The following LOC128462377 variants were observed in gnomAD, a reference collection of about 807,000 sequenced individuals.
At chr16:89,342,333 T>C in the LOC128462377 span, among the ~76,000 whole-genome samples, 2 of 152,258 alleles carry the variant, frequency 1.3e-5, no homozygotes, top group Non-Finnish European at 2.9e-5. Context: ...CTTTGAAGGA[T>C]GCAGCCCATT....
At chr16:89,352,249 G>C in the LOC128462377 span, among the ~76,000 whole-genome samples, 1 of 152,086 alleles carries the variant, frequency 6.6e-6, no homozygotes, top group Non-Finnish European at 1.5e-5. Context: ...CTGGACACGA[G>C]ACAAGACTTG....
chr16:89,322,331 A>G, the LOC128462377 span, among the ~76,000 whole-genome samples: 15 of 152,364 alleles, frequency 9.8e-5, no homozygotes, highest in East Asian at 1.2e-3. Context: ...CAGTATGTTG[A>G]TAGAACAGGC....
At chr16:89,358,163 C>G in the LOC128462377 span, among the ~76,000 whole-genome samples, 4 of 152,342 alleles carry the variant, frequency 2.6e-5, no homozygotes, top group East Asian at 7.7e-4. Context: ...ACCCACGTGG[C>G]TTTGCTAGAA....
chr16:89,385,474 A>C, the LOC128462377 span, among the ~76,000 whole-genome samples: 45 of 152,152 alleles, frequency 3.0e-4, no homozygotes, highest in Non-Finnish European at 5.1e-4. Context: ...CCCGTCCACA[A>C]GCCAGCACCG....
At chr16:89,325,568 G>A in the LOC128462377 span, among the ~76,000 whole-genome samples, 7 of 152,182 alleles carry the variant, frequency 4.6e-5, no homozygotes, top group Admixed American at 2.0e-4. Flanking sequence ...ACAGTACTTA[G>A]GGATGCATAC....
chr16:89,333,005 G>A, the LOC128462377 span, among the ~76,000 whole-genome samples: 4 of 152,222 alleles, frequency 2.6e-5, no homozygotes, highest in African/African-American at 9.6e-5. Flanking sequence ...TGTGCACCCG[G>A]GGAATTTCAC....
At chr16:89,330,753 G>A in the LOC128462377 span, among the ~76,000 whole-genome samples, 2 of 148,148 alleles carry the variant, frequency 1.3e-5, no homozygotes, top group Non-Finnish European at 3.0e-5. Context: ...GTTCCTCCTC[G>A]GCGAGTTCCA....
chr16:89,396,599 C>T, the LOC128462377 span, among the ~76,000 whole-genome samples: 1 of 152,068 alleles, frequency 6.6e-6, no homozygotes, highest in African/African-American at 2.4e-5. Flanking sequence ...GCAGGAACAG[C>T]GAGGAGAACC....
chr16:89,385,977 C>T, the LOC128462377 span, among the ~76,000 whole-genome samples: 1 of 152,244 alleles, frequency 6.6e-6, no homozygotes, highest in African/African-American at 2.4e-5. Context: ...AACTCCCTGG[C>T]TCAAGCCGGC....
At chr16:89,334,156 A>AAAAAAAAAAAAAAAAC in the LOC128462377 span, among the ~76,000 whole-genome samples, 1 of 138,384 alleles carries the variant, frequency 7.2e-6, no homozygotes, top group African/African-American at 2.7e-5. Context: ...AAAAAAAAAA[A>AAAAAAAAAAAAAAAAC]AAAAAAAAAA....
chr16:89,402,361 G>T, the LOC128462377 span, among the ~76,000 whole-genome samples: 2 of 152,146 alleles, frequency 1.3e-5, no homozygotes, highest in African/African-American at 4.8e-5. Flanking sequence ...TAAGGTATCT[G>T]GGATTGAGCG....
chr16:89,356,462 A>G, the LOC128462377 span, among the ~76,000 whole-genome samples: 1 of 152,004 alleles, frequency 6.6e-6, no homozygotes, highest in Non-Finnish European at 1.5e-5. Flanking sequence ...TGCTTGTTCC[A>G]ATGTCAGCTC....
At chr16:89,318,034 C>T in the LOC128462377 span, among the ~76,000 whole-genome samples, 1 of 152,212 alleles carries the variant, frequency 6.6e-6, no homozygotes, top group African/African-American at 2.4e-5. Flanking sequence ...TGCTCTGCCC[C>T]GTCCCTCTCT....
the LOC128462377 span, among the ~76,000 whole-genome samples, chr16:89,378,679 A>C: frequency 6.6e-6 from 1 of 152,188 alleles, no homozygotes; most frequent in Non-Finnish European, 1.5e-5. Context: ...TCCTGGGTTC[A>C]AGCAATTCTC....
At chr16:89,371,090 G>A in the LOC128462377 span, among the ~76,000 whole-genome samples, 13 of 152,152 alleles carry the variant, frequency 8.5e-5, no homozygotes, top group South Asian at 2.1e-4. Flanking sequence ...TCAACTGCGC[G>A]CTCGCTTACT....
the LOC128462377 span, among the ~76,000 whole-genome samples, chr16:89,396,395 C>T: frequency 2.6e-5 from 4 of 152,170 alleles, no homozygotes; most frequent in Non-Finnish European, 4.4e-5. Context: ...CAAGAGAGAC[C>T]AAAGGGAAGC....
At chr16:89,336,468 G>T in the LOC128462377 span, among the ~76,000 whole-genome samples, 1 of 152,350 alleles carries the variant, frequency 6.6e-6, no homozygotes, top group South Asian at 2.1e-4. Flanking sequence ...TGAAGGAGGG[G>T]CCAGACGGAG....
At chr16:89,376,911 T>G in the LOC128462377 span, among the ~76,000 whole-genome samples, 1 of 152,196 alleles carries the variant, frequency 6.6e-6, no homozygotes, top group Admixed American at 6.5e-5. Flanking sequence ...AAGGACTGCC[T>G]TTATCTATAA....
the LOC128462377 span, among the ~76,000 whole-genome samples, chr16:89,381,357 G>GGGT: frequency 1.4e-5 from 2 of 142,278 alleles, no homozygotes; most frequent in Non-Finnish European, 3.0e-5. Context: ...AAAAAAAAGG[G>GGGT]GTGAGAAGGG....
Sources: gnomAD v4.1 joint callset for allele counts (sites outside exome capture counted in the v4.1 genomes callset) on GRCh38, gnomAD v4.1.1 for gene constraint, MANE v1.5 for transcripts.